Variants in APBB1IP observed in about 807,000 individuals in gnomAD.
APBB1IP encodes the protein amyloid beta A4 precursor protein-binding family B member 1-interacting protein.
A neutral mutation model predicts 64.9 loss-of-function variants in APBB1IP; 27 were observed. The ratio of observed to expected loss-of-function variants is 0.42; its 90% CI spans 0.31 to 0.57. The LOEUF is 0.57. Ranked by LOEUF, APBB1IP falls within the 20% of genes least tolerant of loss-of-function variation. APBB1IP has a pLI of 0.20. For missense variants in APBB1IP, 812 were observed against 845.5 expected (o/e 0.96, Z 0.49); for synonymous variants, 392 against 331.0 (o/e 1.18, Z -2.00).
intron 8 of APBB1IP, among the ~76,000 whole-genome samples, chr10:26,527,757 A>T (rs1483152907): frequency 7.4e-6 from 1 of 135,032 alleles, no homozygotes; most frequent in African/African-American, 2.9e-5. Context: ...CAATGGCACG[A>T]TCTCGGCTCA....
At chr10:26,461,737 T>A (rs1034145238) in intron 2 of APBB1IP, among the ~76,000 whole-genome samples, 2 of 152,232 alleles carry the variant, frequency 1.3e-5, no homozygotes, top group African/African-American at 4.8e-5. Flanking sequence ...CCTTCATTTT[T>A]TCGTCTTCTT....
intron 4 of APBB1IP, among the ~76,000 whole-genome samples, chr10:26,497,470 G>A (rs1339078333): frequency 2.0e-5 from 3 of 151,502 alleles, no homozygotes; most frequent in Non-Finnish European, 4.4e-5. Context: ...AGAATGGTGT[G>A]AACCCAGGAG....
intron 3 of APBB1IP, among the ~76,000 whole-genome samples, chr10:26,495,857 T>C (rs1348042576): frequency 6.8e-6 from 1 of 146,656 alleles, no homozygotes; most frequent in Non-Finnish European, 1.5e-5. Flanking sequence ...TTTCTTTATT[T>C]GATGTAATGA....
chr10:26,521,915 T>C (rs898401885), intron 8 of APBB1IP, among the ~76,000 whole-genome samples: 2 of 152,118 alleles, frequency 1.3e-5, no homozygotes, highest in African/African-American at 4.8e-5. Context: ...CATGCCCAGC[T>C]AATTTTTGTA....
intron 10 of APBB1IP, among the ~76,000 whole-genome samples, chr10:26,536,995 T>C (rs59178170): frequency 3.1e-4 from 47 of 152,246 alleles, no homozygotes; most frequent in African/African-American, 1.1e-3. Context: ...GAATTTCCCT[T>C]CCTAATTTAA....
At chr10:26,466,302 T>A (rs1835647558) in intron 2 of APBB1IP, among the ~76,000 whole-genome samples, 1 of 152,150 alleles carries the variant, frequency 6.6e-6, no homozygotes, top group African/African-American at 2.4e-5. Context: ...CAGAGTCACA[T>A]GGTGGCATCC....
At chr10:26,485,709 T>C (rs1835882878) in intron 2 of APBB1IP, among the ~76,000 whole-genome samples, 1 of 152,202 alleles carries the variant, frequency 6.6e-6, no homozygotes, top group South Asian at 2.1e-4. Context: ...TTAAATACCA[T>C]GTCAAGTTGG....
chr10:26,447,860 T>G (rs1366813737), intron 2 of APBB1IP, among the ~76,000 whole-genome samples: 1 of 152,220 alleles, frequency 6.6e-6, no homozygotes, highest in East Asian at 1.9e-4. Context: ...GGTCTTGAAC[T>G]CTTGGGCTCA....
chr10:26,560,123 G>C lies in APBB1IP; in HGVS notation c.1174G>C (p.Glu392Gln). 1 of 1,614,044 alleles carries C rather than the reference G, an allele frequency of 6.2e-7. No individual in the cohort carries two copies. The highest frequency in any genetic ancestry group is 8.5e-7 in the Non-Finnish European group (1 of 1,180,002). The change falls in exon 12 of 15, where the codon GAG (glutamate) becomes CAG (glutamine). Residue 392 changes from glutamate (E) to glutamine (Q), a missense_variant. Glu to Gln is a conservative substitution (Grantham distance 29). Coordinates refer to ENST00000376236, the MANE Select transcript of APBB1IP (RefSeq NM_019043.4). ...TTTCTAGCACCCCCAAATTCAGAAG[G>C]AGTCCCAGTATATCAAGTATCTCTG... Reference protein sequence around the residue: ...FVLKHPQIQKESQYIKYLCCD... With the variant: ...FVLKHPQIQKQSQYIKYLCCD...
chr10:26,505,317 T>C (rs993689230), intron 6 of APBB1IP, among the ~76,000 whole-genome samples: 15 of 152,130 alleles, frequency 9.9e-5, no homozygotes, highest in South Asian at 4.2e-4. Context: ...TTCCACTCAT[T>C]CCAAACGTGC....
At chr10:26,546,648 A>C (rs1836768715) in intron 11 of APBB1IP, among the ~76,000 whole-genome samples, 1 of 152,164 alleles carries the variant, frequency 6.6e-6, no homozygotes, top group African/African-American at 2.4e-5. Context: ...TAACTATAAC[A>C]CTGTACTCAT....
chr10:26,500,720 A>T (rs567329641), intron 4 of APBB1IP, 99 bp from the exon 5 acceptor site: 32 of 1,139,846 alleles, frequency 2.8e-5, no homozygotes, highest in South Asian at 2.4e-4. Context: ...CAAGATAATG[A>T]TTCCTTTCTA....
At chr10:26,446,637 T>C (rs1006510377) in intron 2 of APBB1IP, among the ~76,000 whole-genome samples, 2 of 152,192 alleles carry the variant, frequency 1.3e-5, no homozygotes, top group Admixed American at 6.5e-5. Context: ...TTGGAACTTT[T>C]TTTCCAGTTT....
At position 26,567,311 on chromosome 10, in the gene APBB1IP, C is replaced by T. The variant is rs768010831; in HGVS notation, c.1824C>T (p.Pro608=). The change falls in exon 15 of 15, where the codon CCC becomes CCT. Residue 608 remains proline, a synonymous_variant. Coordinates refer to ENST00000376236, the MANE Select transcript of APBB1IP (RefSeq NM_019043.4). ...LPPPPPPPPA[P]APAPVPDSAR... Reference sequence around the variant, plus strand: ...CGCCGCCGCCGCCGCCGCCCGCGCCCGCGCCCGCCCCCGTCCCCGACTCCG... The same window carrying T: ...CGCCGCCGCCGCCGCCGCCCGCGCCTGCGCCCGCCCCCGTCCCCGACTCCG... 5.3e-6 allele frequency: 6 copies of T among 1,139,254 alleles called. No homozygotes were observed. The highest frequency in any genetic ancestry group is 1.7e-5 in the African/African-American group (1 of 58,552). The allele number at this position is 1,139,254 out of a possible 1,614,324, so 70.6% of individuals were successfully genotyped here. A position where few individuals can be genotyped will look rare whatever the true frequency, so the allele number is the denominator to read the frequency against.
intron 2 of APBB1IP, among the ~76,000 whole-genome samples, chr10:26,471,238 C>T (rs930032892): frequency 6.6e-6 from 1 of 152,168 alleles, no homozygotes; most frequent in African/African-American, 2.4e-5. Context: ...TAGACCGAAG[C>T]TCACCTAGAT....
At chr10:26,480,539 A>G (rs1283491723) in intron 2 of APBB1IP, among the ~76,000 whole-genome samples, 1 of 151,892 alleles carries the variant, frequency 6.6e-6, no homozygotes, top group African/African-American at 2.4e-5. Flanking sequence ...CTGGGAACTA[A>G]CCATTGGATT....
chr10:26,542,358 A>G (rs530033868), intron 11 of APBB1IP, among the ~76,000 whole-genome samples: 6 of 152,190 alleles, frequency 3.9e-5, no homozygotes, highest in Admixed American at 2.6e-4. Context: ...GCTTTACCAT[A>G]TTACCCAGGC....
intron 11 of APBB1IP, among the ~76,000 whole-genome samples, chr10:26,552,571 C>G (rs1466433200): frequency 1.3e-5 from 2 of 150,862 alleles, no homozygotes. Flanking sequence ...TGCACTGTGG[C>G]CTGGGCAACA....
At chr10:26,528,878 A>C (rs545781707) in intron 8 of APBB1IP, among the ~76,000 whole-genome samples, 2 of 152,222 alleles carry the variant, frequency 1.3e-5, no homozygotes, top group Non-Finnish European at 2.9e-5. Flanking sequence ...CGGAGGTTGC[A>C]GTGAACCATG....
Sources: gnomAD v4.1 joint callset for allele counts (sites outside exome capture counted in the v4.1 genomes callset) on GRCh38, gnomAD v4.1.1 for gene constraint, MANE v1.5 for transcripts, NCBI Gene and HGNC (gene_info 2026-07-23, HGNC 2026-07-21) for gene names.